Variants in GAA observed in about 807,000 individuals in gnomAD.
The protein encoded by GAA is alpha glucosidase, also known as lysosomal alpha-glucosidase.
GAA carries 88 observed loss-of-function variants against 103.9 expected under a neutral mutation model. The ratio of observed to expected loss-of-function variants is 0.85; its 90% CI spans 0.71 to 1.01. The LOEUF is 1.01. GAA is among the 50% of genes least tolerant of loss of function. The pLI, the probability that GAA is intolerant of heterozygous loss-of-function variation, is 0.00. For missense variants in GAA, 1,350 were observed against 1,305.3 expected, an observed-to-expected ratio of 1.03 and a Z score of -0.53; for synonymous variants, 572 against 563.1, an observed-to-expected ratio of 1.02 and a Z score of -0.22.
In GAA at chr17:80,108,583, C is replaced by G; in HGVS notation, c.1170C>G (p.Asn390Lys). 6.2e-7 allele frequency: 1 copy of G among 1,612,852 alleles called. No homozygotes were observed. The highest frequency in any genetic ancestry group is 1.1e-5 in the South Asian group (1 of 91,060). ...STAITRQVVE[N>K]MTRAHFPLDV... Reference sequence around the variant, plus strand: ...CTATCACCCGCCAGGTGGTGGAGAACATGACCAGGGCCCACTTCCCCCTGG... The same window carrying G: ...CTATCACCCGCCAGGTGGTGGAGAAGATGACCAGGGCCCACTTCCCCCTGG... Residue 390 changes from asparagine (N) to lysine (K), a missense_variant, in exon 7 of 20, where the codon AAC (asparagine) becomes AAG (lysine). Asn to Lys is a moderately conservative substitution (Grantham distance 94, BLOSUM62 0). Coordinates refer to ENST00000302262, the MANE Select transcript of GAA (RefSeq NM_000152.5).
chr17:80,109,517 G>A (rs777439491), intron 8 of GAA, among the ~76,000 whole-genome samples: 8 of 152,266 alleles, frequency 5.3e-5, no homozygotes, highest in Non-Finnish European at 1.2e-4. Flanking sequence ...TTCAGCAGAG[G>A]AAGCACAGAT....
intron 9 of GAA, 53 bp downstream of exon 9, chr17:80,110,108 G>A: frequency 7.0e-7 from 1 of 1,427,044 alleles, no homozygotes; most frequent in Non-Finnish European, 9.9e-7. Context: ...CTCCAGCCAG[G>A]GGGAGCCGGC....
chr17:80,118,045 G>C (rs1047190930), intron 17 of GAA, 148 bp from the exon 18 acceptor site: 4 of 941,588 alleles, frequency 4.2e-6, no homozygotes, highest in Non-Finnish European at 4.7e-6. Context: ...TCATCACCAC[G>C]GGGTTCCAGC....
At chr17:80,115,895 C>A (rs112095528) in intron 15 of GAA, among the ~76,000 whole-genome samples, 1 of 152,316 alleles carries the variant, frequency 6.6e-6, no homozygotes, top group East Asian at 1.9e-4. Context: ...TTTGCTGGGG[C>A]GAGGTGGGGA....
chr17:80,106,819 G>A (rs1267318563), intron 3 of GAA, among the ~76,000 whole-genome samples: 5 of 152,342 alleles, frequency 3.3e-5, no homozygotes, highest in East Asian at 3.9e-4. Context: ...CTACTCAGGA[G>A]GCTGAGGCAA....
intron 9 of GAA, 93 bp from the exon 10 acceptor site, chr17:80,110,634 G>A: frequency 1.9e-6 from 2 of 1,079,620 alleles, no homozygotes; most frequent in Non-Finnish European, 2.8e-6. Flanking sequence ...CTAAGAGTGA[G>A]GCTGCCCCTC....
rs143951130 is a variant in GAA at position 80,113,012 on chromosome 17, C to T, written c.2025C>T (p.Asn675=). 4 of 1,610,154 alleles carry T rather than the reference C, an allele frequency of 2.5e-6. No homozygotes were observed. The highest frequency in any genetic ancestry group is 3.4e-6 in the Non-Finnish European group (4 of 1,178,922). The change falls in exon 14 of 20, where the codon AAC becomes AAT. Residue 675 remains asparagine, a synonymous_variant. Transcript: ENST00000302262. ...TCTACCCCTTCATGCGGAACCACAA[C>T]AGCCTGCTCAGTCTGGTAGGGTGGG... The part of the protein sequence containing the change: ...GAFYPFMRNH[N]SLLSLPQEPY...
Position 80,119,394 on chromosome 17 carries a change from T to C in GAA, c.*63T>C. The C allele has an allele frequency of 1.4e-6, 2 of 1,421,762 alleles. No homozygotes were observed. Among genetic ancestry groups the C allele is most frequent in the Non-Finnish European group, 2.0e-6 (2 of 1,005,466 alleles). The allele number at this position is 1,421,762 out of a possible 1,614,324, so 88.1% of individuals were successfully genotyped here. On this transcript the variant is annotated 3_prime_UTR_variant, in exon 20 of 20. Transcript: ENST00000302262. ...GTTCCCCAGGGAAGCAGAGCCTGTG[T>C]GCGGGCAGCAGCTGTGTGCGGGCCT...
Position 80,105,136 on chromosome 17 carries a change from G to C in GAA, c.546+4G>C, listed in dbSNP as rs550618589. On this transcript the variant is annotated splice_donor_region_variant and intron_variant, in intron 2 of 19. Transcript: ENST00000302262. ...TGAGAACCGCCTCCACTTCACGGTG[G>C]GCAGGGCAGGGGCGGGGGCGGCGGC... is the stretch of plus-strand genomic sequence containing the variant. 75 of 1,602,568 alleles carry C rather than the reference G, an allele frequency of 4.7e-5. 1 individual carries two copies. In the South Asian group the frequency reaches 8.0e-4, roughly 17 times the overall value.
At chr17:80,106,335 A>G (rs1335492601) in intron 3 of GAA, among the ~76,000 whole-genome samples, 2 of 56,174 alleles carry the variant, frequency 3.6e-5, no homozygotes, top group Non-Finnish European at 9.5e-5. Context: ...CCATGCAGAC[A>G]CAGCGTCAGG....
Position 80,117,618 on chromosome 17 carries a change from G to A in GAA, c.2350G>A (p.Gly784Ser). 1 of 1,612,826 alleles carries A rather than the reference G, an allele frequency of 6.2e-7. No individual in the cohort carries two copies. The highest frequency in any genetic ancestry group is 8.5e-7 in the Non-Finnish European group (1 of 1,179,956). Residue 784 changes from glycine to serine, a missense_variant, in exon 17 of 20, where the codon GGC becomes AGC. Physicochemically the swap from Gly to Ser is moderately conservative, Grantham distance 56. Transcript: ENST00000302262. ...CCTCCAGGTGCCAGTAGAGGCCCTT[G>A]GCAGCCTCCCACCCCCACCTGCAGC... ...DLQTVPVEAL[G>S]SLPPPPAAPR...
At chr17:80,108,891 T>G (rs1348651236) in intron 8 of GAA, 63 bp downstream of exon 8, 5 of 1,529,412 alleles carry the variant, frequency 3.3e-6, no homozygotes, top group Non-Finnish European at 4.4e-6. Flanking sequence ...TGGCTCCTTC[T>G]CTGTGCAGCG....
intron 16 of GAA, 36 bp downstream of exon 16, chr17:80,117,145 A>T: frequency 6.2e-7 from 1 of 1,605,334 alleles, no homozygotes; most frequent in Non-Finnish European, 8.5e-7. Context: ...GGGAGACGGG[A>T]GACCAGAGCA....
chr17:80,103,675 C>T (rs888652905), intron 1 of GAA, among the ~76,000 whole-genome samples: 8 of 152,116 alleles, frequency 5.3e-5, no homozygotes, highest in East Asian at 3.8e-4. Context: ...TGTCTGTACC[C>T]GAGGCTCCAG....
At chr17:80,110,132 G>C (rs1017232827) in intron 9 of GAA, 77 bp downstream of exon 9, 1 of 1,204,136 alleles carries the variant, frequency 8.3e-7, no homozygotes, top group African/African-American at 1.5e-5. Context: ...TGCTCAGGAA[G>C]ACGGTGGGAT....
intron 15 of GAA, among the ~76,000 whole-genome samples, chr17:80,116,557 A>C (rs898369910): frequency 4.6e-5 from 7 of 152,228 alleles, no homozygotes; most frequent in African/African-American, 1.7e-4. Context: ...ATGTTAATTC[A>C]AGTTGCCTTT....
rs2143852431 is a variant in GAA, at chr17:80,108,279, T to C, written c.956-11T>C. 1.9e-6 allele frequency: 3 copies of C among 1,613,490 alleles called. No homozygotes were observed. Among genetic ancestry groups the C allele is most frequent in the Non-Finnish European group, 2.5e-6 (3 of 1,180,004 alleles). ...ATCTGTCCCCCAACCCCAGAGCTGC[T>C]TCCCTTCCAGATGTGGTCCTGCAGC... On this transcript the variant is annotated splice_polypyrimidine_tract_variant and intron_variant, in intron 5 of 19. Transcript: ENST00000302262.
chr17:80,112,369 C>T, intron 12 of GAA: 1 of 671,832 alleles, frequency 1.5e-6, no homozygotes, highest in Non-Finnish European at 2.6e-6. Context: ...TCCTGTGAGG[C>T]TGGGGGGGGT....
Position 80,112,609 on chromosome 17 carries a change from T to C in GAA, c.1786T>C (p.Phe596Leu). ...ALVKARGTRP[F>L]VISRSTFAGH... ...GGTGAAGGCTCGGGGGACACGCCCA[T>C]TTGTGATCTCCCGCTCGACCTTTGC... is the stretch of plus-strand genomic sequence containing the variant. Residue 596 changes from phenylalanine (F) to leucine (L), a missense_variant, in exon 13 of 20, where the codon TTT (phenylalanine) becomes CTT (leucine). Physicochemically the swap from Phe to Leu is conservative, Grantham distance 22. Transcript: ENST00000302262. 1.2e-6 allele frequency: 2 copies of C among 1,612,924 alleles called. No individual in the cohort carries two copies. The highest frequency in any genetic ancestry group is 2.2e-5 in the South Asian group (2 of 91,074).
Sources: allele counts gnomAD v4.1 joint callset (sites outside exome capture counted in the v4.1 genomes callset), GRCh38; gene constraint gnomAD v4.1.1; transcripts MANE v1.5; gene names NCBI Gene and HGNC (gene_info 2026-07-23, HGNC 2026-07-21).